The following TULP4 variants were observed in gnomAD, a reference collection of about 807,000 sequenced individuals.
The protein encoded by TULP4 is tubby-related protein 4.
In TULP4, 16 loss-of-function variants were observed where a neutral mutation model predicts 129.0. That is an observed-to-expected ratio of 0.12 (90% CI 0.08 to 0.19). TULP4 has a LOEUF of 0.19. Among genes scored for constraint, TULP4 ranks in the 10% least tolerant of loss-of-function variants. The probability of loss-of-function intolerance (pLI) is 1.00; values close to 1 mark genes in which losing one functional copy is unlikely to be tolerated. For synonymous variants in TULP4, 998 were observed against 854.0 expected, an observed-to-expected ratio of 1.17 and a Z score of -2.94; for missense variants, 1,842 against 2,059.1, an observed-to-expected ratio of 0.89 and a Z score of 2.04.
chr6:158,261,189 G>A (rs1162923191), intron 1 of TULP4, among the ~76,000 whole-genome samples: 2 of 152,172 alleles, frequency 1.3e-5, no homozygotes, highest in African/African-American at 2.4e-5. Context: ...CTATATTGTT[G>A]TGCAGTAAGG....
chr6:158,331,717 ACACACAC>A (rs1779885152), intron 1 of TULP4, among the ~76,000 whole-genome samples: 1 of 23,206 alleles, frequency 4.3e-5, no homozygotes, highest in East Asian at 1.2e-3. Context: ...ACACACACAC[ACACACAC>A]ACACATACGT....
intron 3 of TULP4, among the ~76,000 whole-genome samples, chr6:158,439,687 T>C (rs1408613342): frequency 6.7e-6 from 1 of 149,538 alleles, no homozygotes; most frequent in African/African-American, 2.4e-5. Context: ...TGTAAGCTCT[T>C]GTACTAGAGT....
At chr6:158,485,877 C>T (rs1033744718) in intron 8 of TULP4, among the ~76,000 whole-genome samples, 1 of 152,218 alleles carries the variant, frequency 6.6e-6, no homozygotes, top group Non-Finnish European at 1.5e-5. Context: ...CTATGCCTGT[C>T]CCACAATTGT....
chr6:158,322,734 G>A (rs1212653756), intron 1 of TULP4, among the ~76,000 whole-genome samples: 2 of 152,212 alleles, frequency 1.3e-5, no homozygotes, highest in Non-Finnish European at 2.9e-5. Flanking sequence ...TGTGTGCCAG[G>A]TGCTGCGTGT....
chr6:158,358,286 A>G (rs1172515235), intron 1 of TULP4, among the ~76,000 whole-genome samples: 1 of 152,250 alleles, frequency 6.6e-6, no homozygotes, highest in Non-Finnish European at 1.5e-5. Context: ...AACTATTCTT[A>G]GAGAAAAGTG....
intron 2 of TULP4, among the ~76,000 whole-genome samples, chr6:158,421,143 C>T (rs1778329233): frequency 6.6e-6 from 1 of 152,052 alleles, no homozygotes; most frequent in Non-Finnish European, 1.5e-5. Context: ...GGGCGGATCA[C>T]GAGGTCAAGA....
At chr6:158,260,591 A>G (rs1016064809) in intron 1 of TULP4, among the ~76,000 whole-genome samples, 9 of 150,606 alleles carry the variant, frequency 6.0e-5, no homozygotes, top group African/African-American at 1.9e-4. Flanking sequence ...AAAAAAAAAA[A>G]TGTTCATTAG....
At chr6:158,252,105 C>A (rs1023259513) in intron 1 of TULP4, among the ~76,000 whole-genome samples, 1 of 152,196 alleles carries the variant, frequency 6.6e-6, no homozygotes, top group African/African-American at 2.4e-5. Flanking sequence ...GATAGAGCAT[C>A]TAGGCCTGTA....
Position 158,313,959 on chromosome 6 carries a change from GT to G in TULP4, c.-55del. 6.3e-7 allele frequency: 1 copy of G among 1,576,264 alleles called. No individual in the cohort carries two copies. Among genetic ancestry groups the G allele is most frequent in the Non-Finnish European group, 8.6e-7 (1 of 1,160,682 alleles). ...ACACATATACCAATGAAAGAAATTG[GT>G]TTAAATTTCACAGCATTAACATTAC... On this transcript the variant is annotated 5_prime_UTR_variant, in exon 1 of 14. It introduces an in-frame stop codon into an upstream open reading frame of the 5' UTR. Transcript: ENST00000367097.
At position 158,388,748 on chromosome 6, in the gene TULP4, A is replaced by T. The variant is rs151213900; in HGVS notation, c.253-24317A>T. ...CACTTGAAAAATAAACTTACTGTTT[A>T]AAAATATAACTTTTTGAAGACATCA... On this transcript the variant is annotated intron_variant, in intron 1 of 13. Transcript: ENST00000367097. Among the ~76,000 whole-genome samples, 556 of 152,250 alleles carry T rather than the reference A, an allele frequency of 3.7e-3. 3 individuals carry two copies. Among genetic ancestry groups the T allele is most frequent in the African/African-American group, 0.013 (526 of 41,540 alleles).
chr6:158,411,154 C>T (rs1006627188), intron 1 of TULP4, among the ~76,000 whole-genome samples: 12 of 147,994 alleles, frequency 8.1e-5, no homozygotes, highest in Non-Finnish European at 1.6e-4. Context: ...AAGTAAACTA[C>T]TTGAAATAGT....
At chr6:158,436,236 C>T (rs1175429208) in intron 3 of TULP4, among the ~76,000 whole-genome samples, 1 of 152,154 alleles carries the variant, frequency 6.6e-6, no homozygotes, top group African/African-American at 2.4e-5. Flanking sequence ...CTCCAACCTT[C>T]ACTTAGTCAC....
At chr6:158,463,982 C>T (rs890485661) in intron 6 of TULP4, among the ~76,000 whole-genome samples, 1 of 152,136 alleles carries the variant, frequency 6.6e-6, no homozygotes, top group African/African-American at 2.4e-5. Flanking sequence ...ACAACTACTC[C>T]CTGTTTCTCC....
chr6:158,429,925 G>A, intron 3 of TULP4, 28 bp downstream of exon 3: 2 of 1,607,816 alleles, frequency 1.2e-6, no homozygotes, highest in East Asian at 2.2e-5. Context: ...TGGTGGGTGT[G>A]TGACGTTAAA....
At chr6:158,250,651 T>C (rs1778123725) in intron 1 of TULP4, among the ~76,000 whole-genome samples, 1 of 152,216 alleles carries the variant, frequency 6.6e-6, no homozygotes, top group Admixed American at 6.5e-5. Flanking sequence ...TTAGCTTTGT[T>C]TTCTGTGTTT....
At chr6:158,443,947 C>CAT (rs1562568247) in intron 3 of TULP4, among the ~76,000 whole-genome samples, 8 of 151,958 alleles carry the variant, frequency 5.3e-5, no homozygotes, top group Non-Finnish European at 1.2e-4. Flanking sequence ...TGGCCGGGTG[C>CAT]GGTGGCTCAC....
intron 1 of TULP4, among the ~76,000 whole-genome samples, chr6:158,391,767 T>C (rs972482005): frequency 2.0e-5 from 3 of 152,202 alleles, no homozygotes; most frequent in African/African-American, 4.8e-5. Context: ...ATGGCTGTTA[T>C]ATCTTACAAT....
intron 5 of TULP4, among the ~76,000 whole-genome samples, chr6:158,456,555 C>T (rs750030498): frequency 7.6e-4 from 116 of 152,202 alleles, no homozygotes; most frequent in Non-Finnish European, 1.5e-3. Context: ...ATGCTCAGGC[C>T]GGGCACGATG....
chr6:158,350,499 C>T (rs376108315), intron 1 of TULP4, among the ~76,000 whole-genome samples: 1 of 152,020 alleles, frequency 6.6e-6, no homozygotes, highest in Non-Finnish European at 1.5e-5. Context: ...CCGAGGCAGG[C>T]AGATCACCCG....
Sources: allele counts gnomAD v4.1 joint callset (sites outside exome capture counted in the v4.1 genomes callset), GRCh38; gene constraint gnomAD v4.1.1; transcripts MANE v1.5; gene names NCBI Gene and HGNC (gene_info 2026-07-23, HGNC 2026-07-21).